Variants in ATRNL1 observed in about 807,000 individuals in gnomAD.
ATRNL1 encodes attractin like 1.
ATRNL1 carries 95 observed loss-of-function variants against 182.7 expected under a neutral mutation model. The ratio of observed to expected loss-of-function variants is 0.52; its 90% confidence interval spans 0.44 to 0.62. ATRNL1 has a LOEUF of 0.62. Among genes scored for constraint, ATRNL1 ranks in the 20% least tolerant of loss-of-function variants. The pLI is 0.00. For missense variants in ATRNL1, 1,471 were observed against 1,679.5 expected, an observed-to-expected ratio of 0.88 and a Z score of 2.17; for synonymous variants, 576 against 568.3, an observed-to-expected ratio of 1.01 and a Z score of -0.19.
chr10:115,740,382 G>A (rs1313046926), intron 27 of ATRNL1, among the ~76,000 whole-genome samples: 1 of 151,904 alleles, frequency 6.6e-6, no homozygotes, highest in African/African-American at 2.4e-5. Context: ...TAAAAGTGGG[G>A]CAGAAAGTTG....
At chr10:115,511,566 G>A (rs576490626) in intron 24 of ATRNL1, among the ~76,000 whole-genome samples, 13 of 151,760 alleles carry the variant, frequency 8.6e-5, no homozygotes, top group South Asian at 4.1e-4. Flanking sequence ...GCAAGCTGAC[G>A]TTTTGCACAA....
intron 19 of ATRNL1, among the ~76,000 whole-genome samples, chr10:115,375,089 A>C (rs1554949169): frequency 6.6e-6 from 1 of 151,682 alleles, no homozygotes; most frequent in African/African-American, 2.4e-5. Flanking sequence ...CAAGTCCCTT[A>C]CTATTATTTT....
intron 27 of ATRNL1, among the ~76,000 whole-genome samples, chr10:115,763,469 A>G (rs1382304446): frequency 2.0e-5 from 3 of 152,190 alleles, no homozygotes; most frequent in Non-Finnish European, 4.4e-5. Flanking sequence ...ATCTTGAAAA[A>G]GAAAAAAGAT....
chr10:115,166,196 A>G (rs762845348), intron 7 of ATRNL1, among the ~76,000 whole-genome samples: 1 of 152,078 alleles, frequency 6.6e-6, no homozygotes, highest in Non-Finnish European at 1.5e-5. Context: ...TTAGCACACT[A>G]TCTTCAAGGA....
At chr10:115,215,584 T>C in intron 8 of ATRNL1, 113 bp from the exon 9 acceptor site, 1 of 813,484 alleles carries the variant, frequency 1.2e-6, no homozygotes, top group Admixed American at 3.4e-5. Context: ...AGATATACAA[T>C]GTTTACTCAT....
At chr10:115,482,377 CAAAGT>C (rs1354248683) in intron 24 of ATRNL1, among the ~76,000 whole-genome samples, 4 of 150,840 alleles carry the variant, frequency 2.7e-5, no homozygotes, top group Admixed American at 6.6e-5. Context: ...ATTCAAATGG[CAAAGT>C]AAACACTTAT....
At chr10:115,202,211 A>C (rs1217107115) in intron 8 of ATRNL1, among the ~76,000 whole-genome samples, 1 of 151,916 alleles carries the variant, frequency 6.6e-6, no homozygotes, top group Non-Finnish European at 1.5e-5. Flanking sequence ...TTCCTAATTG[A>C]ATACCCTTTA....
chr10:115,248,667 A>G (rs535335359), intron 10 of ATRNL1, among the ~76,000 whole-genome samples: 3 of 152,284 alleles, frequency 2.0e-5, no homozygotes, highest in Non-Finnish European at 4.4e-5. Flanking sequence ...TTCCTGAGAG[A>G]AGATACGGGT....
rs1854417195 is a variant in ATRNL1 at position 115,571,889 on chromosome 10, T to C, written c.3795+22353T>C. Among the ~76,000 whole-genome samples the C allele has an allele frequency of 2.0e-5, 3 of 152,008 alleles. No individual in the cohort carries two copies. The South Asian group carries it at 6.2e-4, about 31-fold the overall frequency. On this transcript the variant is annotated intron_variant, in intron 26 of 28. Transcript: ENST00000355044. The stretch of plus-strand genomic sequence containing the variant: ...CTGTGTCTTACCGTCTGTTCTACTT[T>C]TGTGTCTTTAGGGAATTTAAAAATG...
intron 24 of ATRNL1, among the ~76,000 whole-genome samples, chr10:115,482,698 G>A (rs948094967): frequency 6.6e-6 from 1 of 151,030 alleles, no homozygotes. Flanking sequence ...AAGAATTAGA[G>A]CTTTATTTAA....
chr10:115,471,551 G>A (rs559193514), intron 24 of ATRNL1, among the ~76,000 whole-genome samples: 2 of 150,874 alleles, frequency 1.3e-5, no homozygotes, highest in African/African-American at 2.4e-5. Flanking sequence ...CAGCTATGAG[G>A]TGATATCTTA....
At chr10:115,131,862 A>G (rs1317490120) in intron 5 of ATRNL1, among the ~76,000 whole-genome samples, 2 of 152,186 alleles carry the variant, frequency 1.3e-5, no homozygotes, top group Non-Finnish European at 2.9e-5. Context: ...ACCCTCTAGA[A>G]ACTTGGGTTT....
At chr10:115,661,851 A>T (rs1429495062) in intron 26 of ATRNL1, among the ~76,000 whole-genome samples, 1 of 152,036 alleles carries the variant, frequency 6.6e-6, no homozygotes. Flanking sequence ...TACCTGTGCC[A>T]GGTTGGTGTG....
At chr10:115,557,312 A>G (rs968989888) in intron 26 of ATRNL1, among the ~76,000 whole-genome samples, 4 of 152,202 alleles carry the variant, frequency 2.6e-5, no homozygotes, top group Non-Finnish European at 4.4e-5. Context: ...ATCTCAGCAC[A>G]TAGATGGCAT....
At chr10:115,269,614 A>G (rs1554912146) in intron 13 of ATRNL1, among the ~76,000 whole-genome samples, 1 of 152,154 alleles carries the variant, frequency 6.6e-6, no homozygotes, top group Non-Finnish European at 1.5e-5. Flanking sequence ...GATTACAGGC[A>G]TGAGGCACTG....
Position 115,944,685 on chromosome 10 carries a change from A to G in ATRNL1, c.4046A>G (p.Asp1349Gly), listed in dbSNP as rs1015179787. The change falls in exon 29 of 29, where the codon GAT becomes GGT. Residue 1349 changes from aspartate to glycine, a missense_variant. By Grantham distance (94) the Asp-to-Gly change is moderately conservative. Transcript: ENST00000355044. ...SGLAIASALI[D>G]ISQQKASDSK... ...CTTGCAATTGCCAGTGCCCTAATAG[A>G]TATTTCACAACAGAAAGCTTCAGAT... is the stretch of plus-strand genomic sequence containing the variant. 6.2e-7 allele frequency: 1 copy of G among 1,613,124 alleles called. No individual in the cohort carries two copies. The highest frequency in any genetic ancestry group is 1.7e-5 in the Admixed American group (1 of 59,976).
At chr10:115,174,077 A>G (rs1221735833) in intron 8 of ATRNL1, among the ~76,000 whole-genome samples, 11 of 151,520 alleles carry the variant, frequency 7.3e-5, no homozygotes, top group African/African-American at 2.7e-4. Flanking sequence ...ATCTGCTTCC[A>G]TTAGTTTCCT....
At chr10:115,434,615 A>C (rs1554964531) in intron 21 of ATRNL1, among the ~76,000 whole-genome samples, 1 of 152,180 alleles carries the variant, frequency 6.6e-6, no homozygotes. Context: ...CCATTTTTTC[A>C]AATAAGAAAT....
At chr10:115,554,133 C>T (rs1565159921) in intron 26 of ATRNL1, among the ~76,000 whole-genome samples, 1 of 151,476 alleles carries the variant, frequency 6.6e-6, no homozygotes, top group East Asian at 1.9e-4. Context: ...TAAAGCTTTC[C>T]ATTAAACACA....
Sources: allele counts gnomAD v4.1 joint callset (sites outside exome capture counted in the v4.1 genomes callset), GRCh38; gene constraint gnomAD v4.1.1; transcripts MANE v1.5; gene names NCBI Gene and HGNC (gene_info 2026-07-23, HGNC 2026-07-21).